MYRIP: variants seen among roughly 807,000 people sequenced by gnomAD.
The protein encoded by MYRIP is rab effector MyRIP.
In MYRIP, 49 loss-of-function variants were observed where a neutral mutation model predicts 98.0. That is an observed-to-expected ratio of 0.50 (90% CI 0.40 to 0.63). The LOEUF (loss-of-function observed/expected upper bound fraction) is 0.63, where lower values mean the gene tolerates loss of function less well. MYRIP is among the 30% of genes least tolerant of loss of function. The pLI is 0.00. For synonymous variants in MYRIP, 404 were observed against 409.5 expected, an observed-to-expected ratio of 0.99 and a Z score of 0.16; for missense variants, 1,004 against 1,058.2, an observed-to-expected ratio of 0.95 and a Z score of 0.71.
intron 2 of MYRIP, among the ~76,000 whole-genome samples, chr3:39,932,419 G>C (rs1322955061): frequency 1.3e-5 from 2 of 151,936 alleles, no homozygotes; most frequent in Non-Finnish European, 2.9e-5. Flanking sequence ...GGAGTGCAGT[G>C]GTGCAATCTC....
intron 2 of MYRIP, among the ~76,000 whole-genome samples, chr3:40,003,020 G>A (rs1045699699): frequency 1.6e-5 from 2 of 125,644 alleles, no homozygotes; most frequent in Non-Finnish European, 3.3e-5. Flanking sequence ...AAATACATAT[G>A]TAGATATCTA....
At chr3:40,195,973 C>T (rs904046632) in intron 10 of MYRIP, among the ~76,000 whole-genome samples, 3 of 152,030 alleles carry the variant, frequency 2.0e-5, no homozygotes, top group Non-Finnish European at 2.9e-5. Context: ...TTTTCACAGG[C>T]AATCATCTAT....
chr3:40,036,302 CAAAAAA>C (rs71091786), intron 2 of MYRIP, among the ~76,000 whole-genome samples: 3 of 64,294 alleles, frequency 4.7e-5, no homozygotes, highest in African/African-American at 1.1e-4. Context: ...CAACTGATAC[CAAAAAA>C]AAAAAAAAAA....
intron 1 of MYRIP, among the ~76,000 whole-genome samples, chr3:39,865,866 C>A (rs1433627691): frequency 2.6e-5 from 4 of 152,172 alleles, no homozygotes; most frequent in Admixed American, 1.3e-4. Context: ...AAGACACGTA[C>A]AGGCATATGT....
intron 2 of MYRIP, among the ~76,000 whole-genome samples, chr3:39,986,811 A>C (rs1407629205): frequency 2.0e-5 from 3 of 152,142 alleles, no homozygotes; most frequent in Non-Finnish European, 2.9e-5. Context: ...AGGTGGGACC[A>C]ACTCTGCAGG....
At chr3:40,007,241 G>A (rs1310749226) in intron 2 of MYRIP, among the ~76,000 whole-genome samples, 2 of 152,120 alleles carry the variant, frequency 1.3e-5, no homozygotes, top group African/African-American at 2.4e-5. Context: ...ATTCTGATCA[G>A]TTGTCAGAGG....
At chr3:39,956,228 C>A (rs1027184299) in intron 2 of MYRIP, among the ~76,000 whole-genome samples, 2 of 152,264 alleles carry the variant, frequency 1.3e-5, no homozygotes, top group East Asian at 3.9e-4. Flanking sequence ...AATATACATT[C>A]TTCTCAGAAC....
chr3:39,849,156 A>G (rs1559495777), intron 1 of MYRIP, among the ~76,000 whole-genome samples: 1 of 152,200 alleles, frequency 6.6e-6, no homozygotes, highest in Non-Finnish European at 1.5e-5. Context: ...CAGAAAGGAC[A>G]AAGGACCCAA....
chr3:40,228,956 A>G (rs1162289968), intron 11 of MYRIP, among the ~76,000 whole-genome samples: 1 of 152,212 alleles, frequency 6.6e-6, no homozygotes, highest in Non-Finnish European at 1.5e-5. Context: ...TCACACATTC[A>G]CAAGAGTAAG....
intron 9 of MYRIP, among the ~76,000 whole-genome samples, chr3:40,183,764 C>A (rs149324174): frequency 6.6e-6 from 1 of 152,144 alleles, no homozygotes; most frequent in African/African-American, 2.4e-5. Context: ...AGATTTAGAC[C>A]CCTTTCCTGA....
chr3:39,836,812 T>A (rs1490241017), intron 1 of MYRIP, among the ~76,000 whole-genome samples: 1 of 152,160 alleles, frequency 6.6e-6, no homozygotes, highest in Non-Finnish European at 1.5e-5. Context: ...ATTAACATGG[T>A]TAAGAGAGTA....
intron 2 of MYRIP, among the ~76,000 whole-genome samples, chr3:39,935,131 T>G (rs1944629428): frequency 6.6e-6 from 1 of 152,226 alleles, no homozygotes; most frequent in Admixed American, 6.5e-5. Flanking sequence ...TGATGCTTTT[T>G]GTGCCTGGGT....
intron 8 of MYRIP, chr3:40,174,552 T>C (rs2125604366): frequency 6.6e-6 from 1 of 152,240 alleles, no homozygotes; most frequent in East Asian, 1.9e-4. Flanking sequence ...ATCAGCGCCT[T>C]CATGATTGTC....
chr3:39,931,963 C>T (rs1457248561), intron 2 of MYRIP, among the ~76,000 whole-genome samples: 1 of 152,164 alleles, frequency 6.6e-6, no homozygotes, highest in Non-Finnish European at 1.5e-5. Flanking sequence ...TTGGTCTGTA[C>T]TTTTCTTGTG....
At chr3:39,996,331 G>A (rs1195838439) in intron 2 of MYRIP, among the ~76,000 whole-genome samples, 1 of 152,148 alleles carries the variant, frequency 6.6e-6, no homozygotes, top group Admixed American at 6.5e-5. Context: ...TAAAGGGATG[G>A]AGGAAGATCT....
intron 2 of MYRIP, among the ~76,000 whole-genome samples, chr3:40,030,588 G>C (rs1453621393): frequency 6.6e-6 from 1 of 152,108 alleles, no homozygotes; most frequent in Non-Finnish European, 1.5e-5. Context: ...AATGTTTATG[G>C]TGAATGAATG....
chr3:39,930,176 G>A (rs1417877429), intron 2 of MYRIP, among the ~76,000 whole-genome samples: 2 of 152,016 alleles, frequency 1.3e-5, no homozygotes, highest in Non-Finnish European at 2.9e-5. Context: ...CACCAGCAAT[G>A]TATGAGGGTT....
chr3:40,103,513 C>G (rs1451086093), intron 3 of MYRIP, among the ~76,000 whole-genome samples: 1 of 152,352 alleles, frequency 6.6e-6, no homozygotes, highest in South Asian at 2.1e-4. Context: ...AATCCCAACA[C>G]TTTGGGAGGC....
At chr3:39,909,065 A>G (rs144772461) in intron 2 of MYRIP, among the ~76,000 whole-genome samples, 47 of 152,294 alleles carry the variant, frequency 3.1e-4, no homozygotes, top group Non-Finnish European at 3.7e-4. Flanking sequence ...CTGAAAAATC[A>G]GAGTTGAGAG....
Sources: gnomAD v4.1 joint callset for allele counts (sites outside exome capture counted in the v4.1 genomes callset) on GRCh38, gnomAD v4.1.1 for gene constraint, MANE v1.5 for transcripts, NCBI Gene and HGNC (gene_info 2026-07-23, HGNC 2026-07-21) for gene names.